PIAS1: variants seen among roughly 807,000 people sequenced by gnomAD.
The protein encoded by PIAS1 is E3 SUMO-protein ligase PIAS1.
Under a neutral mutation model 71.3 loss-of-function variants are expected in PIAS1, and 6 were observed. That is an observed-to-expected ratio of 0.08 (90% CI 0.05 to 0.17). PIAS1 has a LOEUF of 0.17. PIAS1 is among the 10% of genes least tolerant of loss of function. PIAS1 has a pLI of 1.00. For missense variants in PIAS1, 555 were observed against 793.6 expected (o/e 0.70, Z 3.61); for synonymous variants, 303 against 292.9 (o/e 1.03, Z -0.35).
At chr15:68,142,765 G>A (rs986427141) in intron 4 of PIAS1, among the ~76,000 whole-genome samples, 10 of 152,002 alleles carry the variant, frequency 6.6e-5, no homozygotes, top group African/African-American at 2.2e-4. Flanking sequence ...GAAAGCATGG[G>A]CCTTATCTCC....
At position 68,054,317 on chromosome 15, in the gene PIAS1, C is replaced by G. The variant is rs746510123; in HGVS notation, c.-10C>G. ...GCGAAGTTCACTGCGCTTGCGCTGACAGACGCAAGATGGCGGACAGTGCGG... is the reference window on the plus strand; with the variant it reads ...GCGAAGTTCACTGCGCTTGCGCTGAGAGACGCAAGATGGCGGACAGTGCGG... On this transcript the variant is annotated 5_prime_UTR_variant, in exon 1 of 14. Coordinates refer to ENST00000249636, the MANE Select transcript of PIAS1 (RefSeq NM_016166.3). The surrounding 1 kb of genome is among the most constrained non-coding windows in gnomAD (Gnocchi z 4.6). 4 of 1,567,514 alleles carry G rather than the reference C, an allele frequency of 2.6e-6. No individual in the cohort carries two copies. In the East Asian group the frequency reaches 9.6e-5, roughly 38 times the overall value.
intron 1 of PIAS1, among the ~76,000 whole-genome samples, chr15:68,070,515 C>T (rs2092083365): frequency 6.6e-6 from 1 of 152,020 alleles, no homozygotes; most frequent in Non-Finnish European, 1.5e-5. Context: ...AAGGCAGGTA[C>T]TAAAACTTTA....
At chr15:68,176,360 C>T in intron 10 of PIAS1, 114 bp from the exon 11 acceptor site, 1 of 574,476 alleles carries the variant, frequency 1.7e-6, no homozygotes, top group South Asian at 5.1e-5. Context: ...TTTCTACTCT[C>T]TGGCTCCAAC....
At chr15:68,182,490 C>CGTGTGGGTGT (rs2093060909) in intron 12 of PIAS1, among the ~76,000 whole-genome samples, 1 of 123,280 alleles carries the variant, frequency 8.1e-6, no homozygotes, top group Non-Finnish European at 1.7e-5. Flanking sequence ...GCTCAGGCTG[C>CGTGTGGGTGT]GTGTGTGTGT....
rs572252771 is a variant in PIAS1 at position 68,187,449 on chromosome 15, A to G, written c.1663-93A>G. Reference sequence around the variant, plus strand: ...TTCAGAAACCCTAGATACTCAGGCTATCTTAAATTTAGGGCTGTGTCCCGC... The same window carrying G: ...TTCAGAAACCCTAGATACTCAGGCTGTCTTAAATTTAGGGCTGTGTCCCGC... On this transcript the variant is annotated intron_variant, in intron 13 of 13. Transcript: ENST00000249636. This position sits in a 1 kb window ranked among gnomAD's most constrained non-coding sequence, Gnocchi z 5.3. 5 of 1,149,326 alleles carry G rather than the reference A, an allele frequency of 4.4e-6. No individual in the cohort carries two copies. Among genetic ancestry groups the G allele is most frequent in the African/African-American group, 3.1e-5 (2 of 65,064 alleles). 71.2% of individuals were successfully genotyped at this position (1,149,326 alleles called of 1,614,324 possible). A position where few individuals can be genotyped will look rare whatever the true frequency, so the allele number is the denominator to read the frequency against.
At chr15:68,104,894 A>C (rs1322622427) in intron 2 of PIAS1, among the ~76,000 whole-genome samples, 1 of 152,200 alleles carries the variant, frequency 6.6e-6, no homozygotes, top group Non-Finnish European at 1.5e-5. Context: ...CAAAATCTTA[A>C]TAGGTACAAT....
At position 68,190,300 on chromosome 15, in the gene PIAS1, A is replaced by G. The variant is rs1204460828; in HGVS notation, c.*2465A>G. 1 of 152,198 alleles carries G rather than the reference A, an allele frequency of 6.6e-6. No homozygotes were observed. Among genetic ancestry groups the G allele is most frequent in the Non-Finnish European group, 1.5e-5 (1 of 68,024 alleles). 9.4% of individuals were successfully genotyped at this position (152,198 alleles called of 1,614,324 possible). On this transcript the variant is annotated 3_prime_UTR_variant, in exon 14 of 14. Transcript: ENST00000249636. The surrounding 1 kb of genome is among the most constrained non-coding windows in gnomAD (Gnocchi z 4.7). ...TAATTTTAGTTCGTTCTACCCTGTG[A>G]GGAGTTTGTTTCCATCAGTTGTTGA...
chr15:68,166,736 T>C (rs1439993132), intron 8 of PIAS1, among the ~76,000 whole-genome samples: 1 of 152,238 alleles, frequency 6.6e-6, no homozygotes, highest in Non-Finnish European at 1.5e-5. Flanking sequence ...CTTTGAAGTT[T>C]TATTTGTGGA....
chr15:68,102,830 C>G (rs1290430966), intron 2 of PIAS1, among the ~76,000 whole-genome samples: 1 of 152,174 alleles, frequency 6.6e-6, no homozygotes, highest in Non-Finnish European at 1.5e-5. Flanking sequence ...TCTTAACCAT[C>G]TGCCTGCTGC....
At chr15:68,148,573 C>A (rs961429161) in intron 6 of PIAS1, among the ~76,000 whole-genome samples, 1 of 152,154 alleles carries the variant, frequency 6.6e-6, no homozygotes, top group African/African-American at 2.4e-5. Flanking sequence ...GGATTACAGG[C>A]ACCTGCCACT....
chr15:68,116,748 G>A (rs544776988), intron 2 of PIAS1, among the ~76,000 whole-genome samples: 20 of 151,798 alleles, frequency 1.3e-4, no homozygotes, highest in Non-Finnish European at 2.9e-4. Context: ...TGCTTTAGCT[G>A]TATCCCACAA....
intron 2 of PIAS1, among the ~76,000 whole-genome samples, chr15:68,124,534 C>T (rs1425799581): frequency 6.6e-6 from 1 of 151,840 alleles, no homozygotes; most frequent in Non-Finnish European, 1.5e-5. Context: ...CCAGTCTGGC[C>T]AACATGGTGA....
At chr15:68,080,124 G>A (rs1430248019) in intron 1 of PIAS1, among the ~76,000 whole-genome samples, 7 of 152,148 alleles carry the variant, frequency 4.6e-5, no homozygotes, top group African/African-American at 1.4e-4. Context: ...GAGCCACTGC[G>A]CCTGGCTGGA....
At chr15:68,075,337 C>T (rs1456092790) in intron 1 of PIAS1, among the ~76,000 whole-genome samples, 1 of 151,980 alleles carries the variant, frequency 6.6e-6, no homozygotes, top group Admixed American at 6.6e-5. Context: ...CCGCCCACCT[C>T]GGCCTCCCAA....
At chr15:68,179,926 G>A (rs564273082) in intron 11 of PIAS1, among the ~76,000 whole-genome samples, 2 of 151,796 alleles carry the variant, frequency 1.3e-5, no homozygotes, top group Non-Finnish European at 2.9e-5. Context: ...CATGCCCCAG[G>A]TACTTTACAT....
chr15:68,127,100 A>G (rs1242098205), intron 2 of PIAS1, among the ~76,000 whole-genome samples: 2 of 151,628 alleles, frequency 1.3e-5, no homozygotes, highest in South Asian at 2.1e-4. Flanking sequence ...TAATTTTTGT[A>G]TGTTTAGTAG....
At chr15:68,102,773 T>G (rs954214150) in intron 2 of PIAS1, among the ~76,000 whole-genome samples, 3 of 152,214 alleles carry the variant, frequency 2.0e-5, no homozygotes, top group African/African-American at 7.2e-5. Flanking sequence ...TGAGGGGTAT[T>G]TCTTCATAGA....
At chr15:68,121,124 A>G (rs1397240292) in intron 2 of PIAS1, among the ~76,000 whole-genome samples, 2 of 152,120 alleles carry the variant, frequency 1.3e-5, no homozygotes, top group Admixed American at 6.6e-5. Context: ...TCCTTGAAGG[A>G]CTTTCTTTAC....
chr15:68,134,284 G>C (rs62004786), intron 2 of PIAS1, among the ~76,000 whole-genome samples: 2,288 of 24,926 alleles, frequency 0.092, 592 homozygotes, highest in Non-Finnish European at 0.12. Flanking sequence ...CCGGGCAGAG[G>C]GGCTCCTCAC....
Sources: gnomAD v4.1 joint callset for allele counts (sites outside exome capture counted in the v4.1 genomes callset) on GRCh38, gnomAD v4.1.1 for gene constraint, Gnocchi (gnomAD v3.1) non-coding constraint, MANE v1.5 for transcripts, NCBI Gene and HGNC (gene_info 2026-07-23, HGNC 2026-07-21) for gene names.